TRAPPC9: variants seen among roughly 807,000 people sequenced by gnomAD.
TRAPPC9 encodes trafficking protein particle complex subunit 9.
TRAPPC9 carries 83 observed loss-of-function variants against 124.0 expected under a neutral mutation model. The observed-to-expected ratio is 0.67, with a 90% CI of 0.56 to 0.80. The LOEUF is 0.80. Among genes scored for constraint, TRAPPC9 ranks in the 30% least tolerant of loss-of-function variants. The pLI, the probability that TRAPPC9 is intolerant of heterozygous loss-of-function variation, is 0.00. For synonymous variants in TRAPPC9, 638 were observed against 617.5 expected (o/e 1.03, Z -0.49); for missense variants, 1,302 against 1,508.3 (o/e 0.86, Z 2.27).
At chr8:140,413,887 C>T (rs1489057400) in intron 5 of TRAPPC9, among the ~76,000 whole-genome samples, 2 of 151,824 alleles carry the variant, frequency 1.3e-5, no homozygotes, top group Admixed American at 6.6e-5. Context: ...ATATGTGCCA[C>T]ATTTTCTTAA....
intron 17 of TRAPPC9, among the ~76,000 whole-genome samples, chr8:140,136,677 A>C (rs933717036): frequency 3.3e-5 from 5 of 152,156 alleles, no homozygotes; most frequent in Admixed American, 6.5e-5. Flanking sequence ...ATCTCTACTA[A>C]AAATACAAAA....
intron 15 of TRAPPC9, among the ~76,000 whole-genome samples, chr8:140,254,024 G>T (rs1000595110): frequency 2.0e-5 from 3 of 152,180 alleles, no homozygotes; most frequent in Non-Finnish European, 4.4e-5. Context: ...GAGGAAGGGG[G>T]ACAGGAAGGG....
At chr8:140,412,404 C>T (rs1484736501) in intron 5 of TRAPPC9, among the ~76,000 whole-genome samples, 1 of 152,124 alleles carries the variant, frequency 6.6e-6, no homozygotes, top group Admixed American at 6.5e-5. Flanking sequence ...TGGACTGGAT[C>T]CCGCATCAGG....
chr8:139,792,906 G>A (rs1822799356), intron 21 of TRAPPC9, among the ~76,000 whole-genome samples: 1 of 152,214 alleles, frequency 6.6e-6, no homozygotes, highest in South Asian at 2.1e-4. Flanking sequence ...GGTCTCCACG[G>A]GCCATCTTCT....
intron 5 of TRAPPC9, among the ~76,000 whole-genome samples, chr8:140,422,299 A>G (rs2132526294): frequency 6.6e-6 from 1 of 151,996 alleles, no homozygotes; most frequent in South Asian, 2.1e-4. Flanking sequence ...TATGACATCA[A>G]AAGCACAGGA....
chr8:139,873,222 T>C (rs1348063357), intron 21 of TRAPPC9, among the ~76,000 whole-genome samples: 1 of 152,156 alleles, frequency 6.6e-6, no homozygotes, highest in Non-Finnish European at 1.5e-5. Flanking sequence ...TTACTGCTGA[T>C]TTGTCTGGGA....
chr8:140,189,941 G>T (rs1265973974), intron 17 of TRAPPC9, among the ~76,000 whole-genome samples: 1 of 152,126 alleles, frequency 6.6e-6, no homozygotes, highest in Non-Finnish European at 1.5e-5. Flanking sequence ...CAGGGCAGAC[G>T]CACGGCCTCC....
At chr8:140,397,787 A>G in intron 6 of TRAPPC9, 42 bp from the exon 7 acceptor site, 1 of 1,611,808 alleles carries the variant, frequency 6.2e-7, no homozygotes, top group Non-Finnish European at 8.5e-7. Context: ...AAAAGAGTTC[A>G]GATGTTTCTG....
At chr8:140,455,990 C>T (rs1005147001) in intron 1 of TRAPPC9, among the ~76,000 whole-genome samples, 11 of 152,074 alleles carry the variant, frequency 7.2e-5, no homozygotes, top group African/African-American at 2.7e-4. Flanking sequence ...CGAAAGTAAA[C>T]CGGTGGCCGC....
intron 17 of TRAPPC9, among the ~76,000 whole-genome samples, chr8:140,061,462 C>T (rs1842610247): frequency 6.6e-6 from 1 of 152,190 alleles, no homozygotes; most frequent in Non-Finnish European, 1.5e-5. Context: ...CGCAGTCAAG[C>T]AGGAAGCAGA....
chr8:139,985,701 C>A (rs1008584169), intron 19 of TRAPPC9, among the ~76,000 whole-genome samples: 9 of 152,162 alleles, frequency 5.9e-5, no homozygotes, highest in Non-Finnish European at 1.2e-4. Context: ...GGACCTGCTA[C>A]AAGGCTGCAG....
intron 15 of TRAPPC9, among the ~76,000 whole-genome samples, chr8:140,264,875 T>G (rs1214151875): frequency 2.6e-5 from 4 of 152,178 alleles, no homozygotes; most frequent in Admixed American, 1.3e-4. Context: ...GACAGGAGCG[T>G]GTGTTCTGGG....
chr8:140,243,300 C>A (rs2063907726), intron 16 of TRAPPC9, among the ~76,000 whole-genome samples: 1 of 152,164 alleles, frequency 6.6e-6, no homozygotes, highest in South Asian at 2.1e-4. Context: ...TCTTCCTCTA[C>A]AACGAAACAG....
intron 21 of TRAPPC9, among the ~76,000 whole-genome samples, chr8:139,834,909 T>C (rs1248656665): frequency 6.6e-6 from 1 of 152,140 alleles, no homozygotes; most frequent in African/African-American, 2.4e-5. Flanking sequence ...GAGTCCAATG[T>C]TTTCCCCACC....
intron 19 of TRAPPC9, among the ~76,000 whole-genome samples, chr8:139,928,599 C>T (rs73368190): frequency 0.028 from 4,274 of 151,774 alleles, 209 homozygotes; most frequent in African/African-American, 0.097. Flanking sequence ...ATGGAAAAGC[C>T]CACAGCATCG....
chr8:139,898,705 G>A (rs967909483), intron 20 of TRAPPC9, among the ~76,000 whole-genome samples: 3 of 152,174 alleles, frequency 2.0e-5, no homozygotes, highest in African/African-American at 7.2e-5. Context: ...CTTCTGTGAA[G>A]GGGAAACTGA....
At chr8:140,419,448 A>AAAAAC (rs1554683876) in intron 5 of TRAPPC9, among the ~76,000 whole-genome samples, 11,079 of 93,006 alleles carry the variant, frequency 0.12, 676 homozygotes, top group South Asian at 0.18. Flanking sequence ...AAAAAAAAAA[A>AAAAAC]AAAACAAAAC....
intron 19 of TRAPPC9, among the ~76,000 whole-genome samples, chr8:139,955,215 G>C (rs375289380): frequency 6.6e-6 from 1 of 152,006 alleles, no homozygotes; most frequent in Non-Finnish European, 1.5e-5. Flanking sequence ...TCACCTCCCC[G>C]TTTCTGGTAA....
intron 10 of TRAPPC9, among the ~76,000 whole-genome samples, chr8:140,307,629 A>G (rs948547589): frequency 1.6e-4 from 24 of 152,166 alleles, no homozygotes; most frequent in African/African-American, 5.6e-4. Context: ...CCCCACCTAT[A>G]TCACAGATTC....
Sources: allele counts gnomAD v4.1 joint callset (sites outside exome capture counted in the v4.1 genomes callset), GRCh38; gene constraint gnomAD v4.1.1; transcripts MANE v1.5; gene names NCBI Gene and HGNC (gene_info 2026-07-23, HGNC 2026-07-21).